Variants in HCN1 observed in about 807,000 individuals in gnomAD.
HCN1 encodes the protein hyperpolarization activated cyclic nucleotide gated potassium channel 1.
A neutral mutation model predicts 78.9 loss-of-function variants in HCN1; 13 were observed. The ratio of observed to expected loss-of-function variants is 0.16; its 90% CI spans 0.11 to 0.26. HCN1 has a LOEUF of 0.26. Among genes scored for constraint, HCN1 ranks in the 10% least tolerant of loss-of-function variants. HCN1 has a pLI of 1.00. For missense variants in HCN1, 810 were observed against 1,154.3 expected (o/e 0.70, Z 4.32); for synonymous variants, 552 against 455.5 (o/e 1.21, Z -2.70).
intron 4 of HCN1, among the ~76,000 whole-genome samples, chr5:45,395,367 T>A (rs1384091210): frequency 6.6e-6 from 1 of 152,194 alleles, no homozygotes; most frequent in Non-Finnish European, 1.5e-5. Flanking sequence ...CTTCGTTCTT[T>A]CCAATTCATT....
At chr5:45,548,225 C>T (rs564461060) in intron 2 of HCN1, among the ~76,000 whole-genome samples, 2 of 151,902 alleles carry the variant, frequency 1.3e-5, no homozygotes, top group Admixed American at 6.6e-5. Context: ...AAAAAAAACA[C>T]ATACTTTCTG....
chr5:45,590,276 G>A (rs1205358924), intron 2 of HCN1, among the ~76,000 whole-genome samples: 7 of 152,090 alleles, frequency 4.6e-5, no homozygotes, highest in Admixed American at 2.0e-4. Context: ...CAGGAAAACA[G>A]TCCAAAAATG....
intron 5 of HCN1, among the ~76,000 whole-genome samples, chr5:45,334,102 G>A (rs988821601): frequency 7.9e-5 from 12 of 151,666 alleles, no homozygotes; most frequent in African/African-American, 2.7e-4. Flanking sequence ...TATAACTATA[G>A]AAATAAGGCA....
At chr5:45,582,174 G>C (rs1744093883) in intron 2 of HCN1, among the ~76,000 whole-genome samples, 1 of 152,110 alleles carries the variant, frequency 6.6e-6, no homozygotes, top group Non-Finnish European at 1.5e-5. Context: ...TCTTCCATTT[G>C]TTTGTATCCT....
At chr5:45,503,598 TTA>T (rs1372899607) in intron 2 of HCN1, among the ~76,000 whole-genome samples, 2 of 152,192 alleles carry the variant, frequency 1.3e-5, no homozygotes, top group South Asian at 2.1e-4. Context: ...AATAATATTT[TTA>T]TATGTTTTAA....
At chr5:45,597,169 A>G (rs1218647630) in intron 2 of HCN1, among the ~76,000 whole-genome samples, 1 of 152,232 alleles carries the variant, frequency 6.6e-6, no homozygotes, top group Non-Finnish European at 1.5e-5. Context: ...AAAATCCTCA[A>G]TAAAATACTG....
At chr5:45,329,009 T>C (rs1467056606) in intron 5 of HCN1, among the ~76,000 whole-genome samples, 3 of 151,594 alleles carry the variant, frequency 2.0e-5, no homozygotes, top group African/African-American at 7.3e-5. Context: ...TGAAGCATCT[T>C]TGACATTGAG....
intron 6 of HCN1, among the ~76,000 whole-genome samples, chr5:45,269,013 A>G (rs1470909256): frequency 1.3e-5 from 2 of 152,224 alleles, no homozygotes; most frequent in African/African-American, 4.8e-5. Flanking sequence ...TTGGTTTCAA[A>G]TCTTGTGTGG....
chr5:45,279,835 T>A (rs1357566155), intron 6 of HCN1, among the ~76,000 whole-genome samples: 3 of 152,060 alleles, frequency 2.0e-5, no homozygotes, highest in African/African-American at 7.2e-5. Flanking sequence ...CCCCCAAAAT[T>A]AATAGTAATT....
At chr5:45,371,584 C>G (rs1455628701) in intron 4 of HCN1, among the ~76,000 whole-genome samples, 3 of 151,230 alleles carry the variant, frequency 2.0e-5, no homozygotes, top group Non-Finnish European at 4.4e-5. Context: ...CAGTGAAACC[C>G]TGTCTCTATT....
chr5:45,532,082 G>T (rs983422792), intron 2 of HCN1, among the ~76,000 whole-genome samples: 2 of 152,100 alleles, frequency 1.3e-5, no homozygotes, highest in African/African-American at 4.8e-5. Context: ...TTTCTGAGAT[G>T]CTTTTCCTCA....
chr5:45,647,884 C>CTAAA, intron 1 of HCN1, among the ~76,000 whole-genome samples: 1 of 152,194 alleles, frequency 6.6e-6, no homozygotes, highest in Non-Finnish European at 1.5e-5. Flanking sequence ...GTTCTCACAC[C>CTAAA]TAAATGTATG....
chr5:45,515,216 T>C (rs1422324311), intron 2 of HCN1, among the ~76,000 whole-genome samples: 1 of 152,004 alleles, frequency 6.6e-6, no homozygotes, highest in African/African-American at 2.4e-5. Flanking sequence ...TCCATCAAGC[T>C]GTAATAGGTT....
rs34239756 is a variant in HCN1, at chr5:45,256,372, T to TAAAAAAAAAAAAAAAAAAA, written c.*5530_*5548dup. 1 of 131,870 alleles carries TAAAAAAAAAAAAAAAAAAA rather than the reference T, an allele frequency of 7.6e-6. No individual in the cohort carries two copies. The highest frequency in any genetic ancestry group is 1.6e-5 in the Non-Finnish European group (1 of 61,418). 8.2% of individuals were successfully genotyped at this position (131,870 alleles called of 1,614,324 possible). Reference sequence around the variant, plus strand: ...TGGGTGACAGAGCCAGACTCCATCTTAAAAAAAAAAAAAAAAAAAGATGTT... The same window carrying TAAAAAAAAAAAAAAAAAAA: ...TGGGTGACAGAGCCAGACTCCATCTTAAAAAAAAAAAAAAAAAAAAAAAAAAAAAAAAAAAAAAGATGTT... On this transcript the variant is annotated 3_prime_UTR_variant, in exon 8 of 8. Coordinates refer to ENST00000303230, the MANE Select transcript of HCN1 (RefSeq NM_021072.4).
Position 45,374,263 on chromosome 5 carries a change from ACATATATATTATATACATTATATACAT to A in HCN1, c.1231-21044_1231-21018del, listed in dbSNP as rs1202568252. Among the ~76,000 whole-genome samples, 158 of 114,796 alleles carry A rather than the reference ACATATATATTATATACATTATATACAT, an allele frequency of 1.4e-3. 2 individuals are homozygous for A. The highest frequency in any genetic ancestry group is 5.1e-3 in the African/African-American group (143 of 28,208). 75.3% of individuals were successfully genotyped at this position (114,796 alleles called of 152,430 possible). A position where few individuals can be genotyped will look rare whatever the true frequency, so the allele number is the denominator to read the frequency against. The stretch of plus-strand genomic sequence containing the variant: ...ATATATTATGTACATTATATACATA[ACATATATATTATATACATTATATACAT>A]TATATATATTGTATACATTATATAC... On this transcript the variant is annotated intron_variant, in intron 4 of 7. Transcript: ENST00000303230.
At chr5:45,553,234 C>T (rs1195883442) in intron 2 of HCN1, among the ~76,000 whole-genome samples, 1 of 151,862 alleles carries the variant, frequency 6.6e-6, no homozygotes, top group Non-Finnish European at 1.5e-5. Context: ...TTGTCACAGG[C>T]TGTCACATAT....
intron 2 of HCN1, among the ~76,000 whole-genome samples, chr5:45,582,663 T>A (rs1228393062): frequency 6.6e-6 from 1 of 152,220 alleles, no homozygotes; most frequent in Non-Finnish European, 1.5e-5. Context: ...GGGTTTGTCA[T>A]AGATAGCTCT....
intron 2 of HCN1, among the ~76,000 whole-genome samples, chr5:45,527,932 G>GT (rs34937140): frequency 0.04 from 5,812 of 145,736 alleles, 218 homozygotes; most frequent in African/African-American, 0.1. Flanking sequence ...TAAATTTAGG[G>GT]TTTTTTTTTT....
rs2112109568 is a variant in HCN1 at position 45,695,987 on chromosome 5, T to G, written c.107A>C (p.Glu36Ala). 7.7e-7 allele frequency: 1 copy of G among 1,300,772 alleles called. No individual in the cohort carries two copies. The highest frequency in any genetic ancestry group is 9.8e-7 in the Non-Finnish European group (1 of 1,024,638). The allele number at this position is 1,300,772 out of a possible 1,614,324, so 80.6% of individuals were successfully genotyped here. ...CCCCGGCGGGGTGCCCAGGCGCTTC[T>G]CGGCCGCGGCCGGCCCCGCGCCCGT... is the stretch of plus-strand genomic sequence containing the variant. ...SATGAGPAAA[E>A]KRLGTPPGGG... The change falls in exon 1 of 8, where the codon GAG becomes GCG. Residue 36 changes from glutamate (E) to alanine (A), a missense_variant. Physicochemically the swap from Glu to Ala is moderately radical, Grantham distance 107 (BLOSUM62 -1). Around this residue, in one of 6 missense-constraint regions of HCN1, gnomAD observed 170 missense variants for 166.8 expected, o/e 1.02. Coordinates refer to ENST00000303230, the MANE Select transcript of HCN1 (RefSeq NM_021072.4).
Sources: allele counts gnomAD v4.1 joint callset (sites outside exome capture counted in the v4.1 genomes callset), GRCh38; gene constraint gnomAD v4.1.1; regional missense constraint gnomAD v4.1.1; transcripts MANE v1.5; gene names NCBI Gene and HGNC (gene_info 2026-07-23, HGNC 2026-07-21).